Variants in TACR1 observed in about 807,000 individuals in gnomAD.
TACR1 encodes the protein substance-P receptor.
TACR1 carries 25 observed loss-of-function variants against 35.8 expected under a neutral mutation model. The observed-to-expected ratio is 0.70, with a 90% CI of 0.51 to 0.98. TACR1 has a LOEUF of 0.98. Ranked by LOEUF, TACR1 falls within the 50% of genes least tolerant of loss-of-function variation. The probability of loss-of-function intolerance (pLI) is 0.00; values close to 1 mark genes in which losing one functional copy is unlikely to be tolerated. For missense variants in TACR1, 478 were observed against 522.9 expected, an observed-to-expected ratio of 0.91 and a Z score of 0.84; for synonymous variants, 195 against 206.7, an observed-to-expected ratio of 0.94 and a Z score of 0.48.
At chr2:75,094,141 A>G (rs529759834) in intron 2 of TACR1, among the ~76,000 whole-genome samples, 5 of 152,350 alleles carry the variant, frequency 3.3e-5, no homozygotes, top group Admixed American at 2.6e-4. Context: ...GGATGATGAC[A>G]ATGCTGTTGG....
intron 1 of TACR1, among the ~76,000 whole-genome samples, chr2:75,157,764 A>G (rs1381836747): frequency 6.6e-6 from 1 of 152,164 alleles, no homozygotes; most frequent in Admixed American, 6.5e-5. Flanking sequence ...CAAATATTTC[A>G]TTCTGTTCTT....
intron 1 of TACR1, among the ~76,000 whole-genome samples, chr2:75,137,491 C>G (rs1228989957): frequency 6.6e-6 from 1 of 151,716 alleles, no homozygotes; most frequent in Non-Finnish European, 1.5e-5. Context: ...TTTGGGAGGC[C>G]AAGGTGGGCG....
At position 75,154,401 on chromosome 2, in the gene TACR1, A is replaced by AGCGCGCGCGCGCGCGCGCGCGCGC. The variant is rs142809732; in HGVS notation, c.390-33634_390-33633insGCGCGCGCGCGCGCGCGCGCGCGC. On this transcript the variant is annotated intron_variant, in intron 1 of 4. Transcript: ENST00000305249. The stretch of plus-strand genomic sequence containing the variant: ...TGGCCCAGGGAGATAATCAGCCAAG[A>AGCGCGCGCGCGCGCGCGCGCGCGC]GCGCGCACGCACACACACACACACA... 29 of 76,436 alleles carry AGCGCGCGCGCGCGCGCGCGCGCGC rather than the reference A, an allele frequency of 3.8e-4. 3 individuals are homozygous for AGCGCGCGCGCGCGCGCGCGCGCGC. Among genetic ancestry groups the AGCGCGCGCGCGCGCGCGCGCGCGC allele is most frequent in the Non-Finnish European group, 5.2e-4 (19 of 36,550 alleles). 4.7% of individuals were successfully genotyped at this position (76,436 alleles called of 1,614,324 possible). A position where few individuals can be genotyped will look rare whatever the true frequency, so the allele number is the denominator to read the frequency against.
At chr2:75,196,930 A>G (rs967237229) in intron 1 of TACR1, among the ~76,000 whole-genome samples, 1 of 152,224 alleles carries the variant, frequency 6.6e-6, no homozygotes, top group East Asian at 1.9e-4. Context: ...CACTACCCTG[A>G]TATTCACTTA....
At chr2:75,063,189 C>G (rs1196847631) in intron 2 of TACR1, among the ~76,000 whole-genome samples, 1 of 152,188 alleles carries the variant, frequency 6.6e-6, no homozygotes, top group Non-Finnish European at 1.5e-5. Context: ...CGTGGGAATT[C>G]AAGATGAGAT....
intron 2 of TACR1, among the ~76,000 whole-genome samples, chr2:75,116,674 C>A (rs375113927): frequency 1.1e-4 from 16 of 152,188 alleles, no homozygotes; most frequent in South Asian, 8.3e-4. Flanking sequence ...TTTGGGAGGG[C>A]AAGGCCGGCG....
chr2:75,089,035 T>C (rs2103849000), intron 2 of TACR1, among the ~76,000 whole-genome samples: 1 of 152,312 alleles, frequency 6.6e-6, no homozygotes, highest in East Asian at 1.9e-4. Flanking sequence ...TAGTGGTTTC[T>C]AGTTTTAACG....
intron 1 of TACR1, among the ~76,000 whole-genome samples, chr2:75,154,938 C>T (rs184961286): frequency 8.0e-4 from 122 of 152,294 alleles, no homozygotes; most frequent in African/African-American, 2.9e-3. Flanking sequence ...AGGAAGCTGC[C>T]TTTCTCCTCC....
chr2:75,122,080 T>TA (rs1673981268), intron 1 of TACR1, among the ~76,000 whole-genome samples: 1 of 152,198 alleles, frequency 6.6e-6, no homozygotes, highest in Non-Finnish European at 1.5e-5. Flanking sequence ...TTCTGGGCTA[T>TA]AAGCTTGTAA....
intron 2 of TACR1, among the ~76,000 whole-genome samples, chr2:75,111,164 A>C (rs1481223692): frequency 3.3e-5 from 5 of 151,958 alleles, no homozygotes. Flanking sequence ...GTTTCCTGAT[A>C]TATAGAATTT....
intron 1 of TACR1, among the ~76,000 whole-genome samples, chr2:75,160,052 G>T (rs1674965471): frequency 6.6e-6 from 1 of 152,060 alleles, no homozygotes; most frequent in South Asian, 2.1e-4. Flanking sequence ...AGCAAAAGAT[G>T]GGCTGGAAAG....
intron 1 of TACR1, among the ~76,000 whole-genome samples, chr2:75,194,111 A>G (rs967786964): frequency 1.3e-5 from 2 of 152,134 alleles, no homozygotes; most frequent in Admixed American, 1.3e-4. Context: ...CCAGTTTTTT[A>G]AAAAAGTAAC....
At chr2:75,081,541 C>T (rs1299067663) in intron 2 of TACR1, among the ~76,000 whole-genome samples, 3 of 152,116 alleles carry the variant, frequency 2.0e-5, no homozygotes, top group Non-Finnish European at 4.4e-5. Context: ...TGAAAATAAC[C>T]TGGATGTAGA....
intron 1 of TACR1, chr2:75,189,657 G>A (rs896485373): frequency 1.3e-5 from 2 of 152,186 alleles, no homozygotes; most frequent in Admixed American, 6.5e-5. Flanking sequence ...TTCTCAGCAG[G>A]TTGAAATGCT....
chr2:75,062,743 CTG>C (rs1240023724), intron 2 of TACR1, among the ~76,000 whole-genome samples: 3 of 152,334 alleles, frequency 2.0e-5, no homozygotes, highest in Non-Finnish European at 4.4e-5. Context: ...ACGTGCCAAT[CTG>C]TACCAGTTTA....
intron 2 of TACR1, among the ~76,000 whole-genome samples, chr2:75,056,097 T>C (rs962657196): frequency 4.6e-5 from 7 of 152,346 alleles, no homozygotes; most frequent in Admixed American, 2.0e-4. Flanking sequence ...CACTGAGAAC[T>C]GTTTCAGACC....
chr2:75,138,115 G>A (rs1401592382), intron 1 of TACR1, among the ~76,000 whole-genome samples: 1 of 152,180 alleles, frequency 6.6e-6, no homozygotes, highest in African/African-American at 2.4e-5. Flanking sequence ...TGGGGTTCGT[G>A]GATATGCAGC....
intron 4 of TACR1, among the ~76,000 whole-genome samples, chr2:75,050,004 A>G (rs983140409): frequency 1.3e-5 from 2 of 152,202 alleles, no homozygotes; most frequent in Non-Finnish European, 2.9e-5. Context: ...CTCCCCTCAC[A>G]TGGGGTCAGC....
chr2:75,146,735 T>C (rs1674525140), intron 1 of TACR1, among the ~76,000 whole-genome samples: 2 of 152,196 alleles, frequency 1.3e-5, no homozygotes. Context: ...ATCTATAAAA[T>C]AGAGTTGCAG....
Sources: allele counts gnomAD v4.1 joint callset (sites outside exome capture counted in the v4.1 genomes callset), GRCh38; gene constraint gnomAD v4.1.1; transcripts MANE v1.5; gene names NCBI Gene and HGNC (gene_info 2026-07-23, HGNC 2026-07-21).